Variants in TRPV1 observed in about 807,000 individuals in gnomAD.
The protein encoded by TRPV1 is OTRPC1.
TRPV1 carries 82 observed loss-of-function variants against 82.3 expected under a neutral mutation model. The observed-to-expected ratio is 1.00, with a 90% confidence interval of 0.83 to 1.20. The LOEUF (loss-of-function observed/expected upper bound fraction) is 1.20. TRPV1 is among the 50% of genes most tolerant of loss of function. TRPV1 has a pLI of 0.00. For missense variants in TRPV1, 1,067 were observed against 1,096.8 expected, an observed-to-expected ratio of 0.97 and a Z score of 0.38; for synonymous variants, 515 against 467.7, an observed-to-expected ratio of 1.10 and a Z score of -1.30.
At chr17:3,596,159 G>A (rs10491215) in intron 2 of TRPV1, among the ~76,000 whole-genome samples, 1 of 152,058 alleles carries the variant, frequency 6.6e-6, no homozygotes, top group Admixed American at 6.5e-5. Context: ...CCACAGAGAC[G>A]TGGTATGATC....
At chr17:3,578,431 C>A (rs1381672976) in intron 11 of TRPV1, 1 of 152,232 alleles carries the variant, frequency 6.6e-6, no homozygotes, top group Non-Finnish European at 1.5e-5. Flanking sequence ...AGGCAGATCA[C>A]TTGAGGTCAG....
chr17:3,597,822 TGC>T (rs1260970317), intron 2 of TRPV1, among the ~76,000 whole-genome samples: 2 of 152,094 alleles, frequency 1.3e-5, no homozygotes, highest in African/African-American at 4.8e-5. Flanking sequence ...TGCAGGCACC[TGC>T]CATTGCGCCC....
At chr17:3,574,434 A>AC (rs928116506) in intron 13 of TRPV1, among the ~76,000 whole-genome samples, 30 of 151,204 alleles carry the variant, frequency 2.0e-4, no homozygotes, top group Admixed American at 6.6e-4. Flanking sequence ...GTATCCACAA[A>AC]CCCCCCCGGC....
chr17:3,597,853 T>C (rs1026565926), intron 2 of TRPV1, among the ~76,000 whole-genome samples: 16 of 152,062 alleles, frequency 1.1e-4, no homozygotes, highest in Non-Finnish European at 2.4e-4. Context: ...GTTGTATTTT[T>C]AGTAGAGTCA....
At chr17:3,567,441 G>A (rs940177258) in intron 16 of TRPV1, among the ~76,000 whole-genome samples, 3 of 151,488 alleles carry the variant, frequency 2.0e-5, no homozygotes, top group Admixed American at 6.6e-5. Context: ...AGGCATGCGA[G>A]TGCTTCCTGA....
intron 7 of TRPV1, 76 bp from the exon 8 acceptor site, chr17:3,588,443 T>C (rs905944370): frequency 1.4e-6 from 2 of 1,478,210 alleles, no homozygotes; most frequent in Admixed American, 4.2e-5. Context: ...CAACCAGCTC[T>C]GCTTCCCAGC....
chr17:3,581,788 G>A (rs2075016693), intron 10 of TRPV1, among the ~76,000 whole-genome samples: 1 of 148,028 alleles, frequency 6.8e-6, no homozygotes, highest in Admixed American at 6.9e-5. Flanking sequence ...GGGAGGCTGA[G>A]GCAGGAGAAT....
intron 7 of TRPV1, chr17:3,588,924 C>T: frequency 6.5e-7 from 1 of 1,535,862 alleles, no homozygotes; most frequent in Non-Finnish European, 8.7e-7. Context: ...CCAGCTCTAC[C>T]ATCTCACCAT....
rs535430610 is a variant in TRPV1 at position 3,570,078 on chromosome 17, G to A, written c.2347+1446C>T. Among the ~76,000 whole-genome samples the A allele has an allele frequency of 1.4e-4, 21 of 152,154 alleles. No homozygotes were observed. In the East Asian group the frequency reaches 1.7e-3, roughly 13 times the overall value. ...GTTGTTTTAAGGGCACAGAGTTTCC[G>A]TGTGGGATGATTAAAATGTTCTGGA... is the stretch of plus-strand genomic sequence containing the variant. On this transcript the variant is annotated intron_variant, in intron 16 of 16. Coordinates refer to ENST00000572705, the MANE Select transcript of TRPV1 (RefSeq NM_080704.4).
chr17:3,573,749 G>A lies in TRPV1; in HGVS notation c.1987C>T (p.Leu663=), dbSNP rs374024905. ...NYDFKAVFII[L]LLAYVILTYI... is the part of the protein sequence containing the mutation. Reference sequence around the variant, plus strand: ...GTGAGAATTACATAGGCCAGCAGCAGGATGATGAAGACAGCCTTGAAGTCA... The same window carrying A: ...GTGAGAATTACATAGGCCAGCAGCAAGATGATGAAGACAGCCTTGAAGTCA... The change falls in exon 14 of 17, where the codon CTG becomes TTG. Residue 663 remains leucine (L), a synonymous_variant. Transcript: ENST00000572705. 5.6e-6 allele frequency: 9 copies of A among 1,613,976 alleles called. No homozygotes were observed. The highest frequency in any genetic ancestry group is 1.3e-5 in the African/African-American group (1 of 74,912).
chr17:3,583,516 T>C (rs2075047365), intron 9 of TRPV1, 86 bp from the exon 10 acceptor site: 1 of 1,123,918 alleles, frequency 8.9e-7, no homozygotes, highest in East Asian at 2.6e-5. Context: ...CCATAGTCCC[T>C]GCCCAGGAGG....
intron 7 of TRPV1, 89 bp downstream of exon 7, chr17:3,589,718 C>T (rs988073140): frequency 7.3e-5 from 105 of 1,446,718 alleles, no homozygotes; most frequent in Admixed American, 1.9e-4. Flanking sequence ...ACACAGATAG[C>T]GACGCCAGGC....
intron 14 of TRPV1, among the ~76,000 whole-genome samples, chr17:3,572,587 G>A (rs2074869374): frequency 2.0e-5 from 3 of 152,234 alleles, no homozygotes; most frequent in African/African-American, 7.2e-5. Context: ...GGCCACGAGT[G>A]AGACTGCCTG....
intron 14 of TRPV1, among the ~76,000 whole-genome samples, chr17:3,572,753 C>T (rs997049778): frequency 6.5e-4 from 99 of 152,274 alleles, no homozygotes; most frequent in South Asian, 1.5e-3. Flanking sequence ...GAGGCCAAGG[C>T]AGGCAGATCA....
At chr17:3,594,379 C>G (rs1239135526) in intron 2 of TRPV1, among the ~76,000 whole-genome samples, 2 of 151,034 alleles carry the variant, frequency 1.3e-5, no homozygotes, top group African/African-American at 4.9e-5. Context: ...CAGAATGGCT[C>G]AGAGAGACTC....
intron 9 of TRPV1, among the ~76,000 whole-genome samples, chr17:3,584,151 T>A (rs2075054244): frequency 6.6e-6 from 1 of 151,930 alleles, no homozygotes; most frequent in African/African-American, 2.4e-5. Flanking sequence ...ATGGCTGTAA[T>A]CCCAGCTACT....
At chr17:3,603,594 G>A (rs1464021659) in intron 2 of TRPV1, among the ~76,000 whole-genome samples, 2 of 152,136 alleles carry the variant, frequency 1.3e-5, no homozygotes, top group African/African-American at 4.8e-5. Context: ...GTGTGAATGG[G>A]CTCTGAGCCT....
chr17:3,566,978 C>T lies in TRPV1; in HGVS notation c.2357G>A (p.Arg786Lys), dbSNP rs1265225067. The stretch of plus-strand genomic sequence containing the variant: ...GACCAGGGCAAAGTTCTTCCAGTGT[C>T]TGCCTGAAACTGAAGGGTAACACTA... ...FSLRSSRVSG[R>K]HWKNFALVPL... The change falls in exon 17 of 17, where the codon AGA becomes AAA. Residue 786 changes from arginine (R) to lysine (K), a missense_variant. Transcript: ENST00000572705. The T allele has an allele frequency of 2.4e-5, 38 of 1,613,704 alleles. No homozygotes were observed. Among genetic ancestry groups the T allele is most frequent in the Non-Finnish European group, 3.1e-5 (37 of 1,179,842 alleles).
intron 2 of TRPV1, among the ~76,000 whole-genome samples, chr17:3,606,364 C>T (rs2075296271): frequency 6.6e-6 from 1 of 152,216 alleles, no homozygotes; most frequent in African/African-American, 2.4e-5. Flanking sequence ...CTACCACTCT[C>T]TGGGGCACTG....
Sources: gnomAD v4.1 joint callset for allele counts (sites outside exome capture counted in the v4.1 genomes callset) on GRCh38, gnomAD v4.1.1 for gene constraint, MANE v1.5 for transcripts, NCBI Gene and HGNC (gene_info 2026-07-23, HGNC 2026-07-21) for gene names.